SGK2: variants seen among roughly 807,000 people sequenced by gnomAD.
SGK2 encodes serum/glucocorticoid regulated kinase 2.
In SGK2, 36 loss-of-function variants were observed where a neutral mutation model predicts 47.5. That is an observed-to-expected ratio of 0.76 (90% CI 0.58 to 1.00). The LOEUF is 1.00. Among genes scored for constraint, SGK2 ranks in the 50% least tolerant of loss-of-function variants. The pLI is 0.00. For synonymous variants in SGK2, 157 were observed against 181.9 expected, an observed-to-expected ratio of 0.86 and a Z score of 1.10; for missense variants, 404 against 467.4, an observed-to-expected ratio of 0.86 and a Z score of 1.25.
chr20:43,572,585 G>A lies in SGK2; in HGVS notation c.597+448G>A, dbSNP rs1178631305. Among the ~76,000 whole-genome samples the A allele has an allele frequency of 6.6e-6, 1 of 152,154 alleles. No homozygotes were observed. Among genetic ancestry groups the A allele is most frequent in the Non-Finnish European group, 1.5e-5 (1 of 68,024 alleles). ...CCAGCTACTCGGGAGGCTGAGGCAG[G>A]AGAATCGCTTGAATACAGGAGGCAG... On this transcript the variant is annotated intron_variant, in intron 9 of 12. Coordinates refer to ENST00000373100, the MANE Select transcript of SGK2 (RefSeq NM_170693.3). This position sits in a 1 kb window ranked among gnomAD's most constrained non-coding sequence, Gnocchi z 4.2.
rs145478899 is a variant in SGK2 at position 43,560,541 on chromosome 20, C to T, written c.-24+1382C>T. Among the ~76,000 whole-genome samples the T allele has an allele frequency of 7.3e-3, 1,110 of 152,102 alleles. 15 individuals are homozygous for T. Among genetic ancestry groups the T allele is most frequent in the African/African-American group, 0.025 (1,049 of 41,458 alleles). The stretch of plus-strand genomic sequence containing the variant: ...GTTAAAATAACCTAACCTAAGAACC[C>T]GCTGTGACCTTGGGTCATGACCCTG... On this transcript the variant is annotated intron_variant, in intron 1 of 12. Coordinates refer to ENST00000373100, the MANE Select transcript of SGK2 (RefSeq NM_170693.3).
Position 43,572,116 on chromosome 20 carries a change from C to T in SGK2, c.576C>T (p.Ser192=), listed in dbSNP as rs1568668359. The part of the protein sequence containing the change: ...KEGVEPEDTT[S]TFCGTPEYLA... ...GTGTAGAGCCTGAAGACACCACATC[C>T]ACATTCTGTGGTACCCCTGAGGTAA... is the stretch of plus-strand genomic sequence containing the variant. Residue 192 remains serine, a synonymous_variant, in exon 9 of 13, where the codon TCC becomes TCT. Coordinates refer to ENST00000373100, the MANE Select transcript of SGK2 (RefSeq NM_170693.3). The surrounding 1 kb of genome is among the most constrained non-coding windows in gnomAD (Gnocchi z 4.2). The T allele has an allele frequency of 6.5e-7, 1 of 1,549,470 alleles. No homozygotes were observed. The highest frequency in any genetic ancestry group is 2.4e-5 in the East Asian group (1 of 41,008).
chr20:43,579,077 G>A (rs1980638252), intron 11 of SGK2, among the ~76,000 whole-genome samples: 1 of 150,948 alleles, frequency 6.6e-6, no homozygotes, highest in Admixed American at 6.6e-5. Context: ...GAGTGCAGTG[G>A]CATGATCTCG....
chr20:43,579,947 A>C (rs570797751), intron 11 of SGK2, 25 bp from the exon 12 acceptor site: 2 of 1,571,660 alleles, frequency 1.3e-6, no homozygotes, highest in South Asian at 1.1e-5. Context: ...TTCTAACCAG[A>C]ACCTTTTTTC....
Position 43,568,006 on chromosome 20 carries a change from G to C in SGK2, c.228+7G>C. On this transcript the variant is annotated splice_region_variant and intron_variant, in intron 5 of 12. Transcript: ENST00000373100. The stretch of plus-strand genomic sequence containing the variant: ...CATCTTAAAGAAGAAAGAGGTACCA[G>C]AGCTCGGGCACAGGCATTTCTTCTT... 1 of 1,612,424 alleles carries C rather than the reference G, an allele frequency of 6.2e-7. No homozygotes were observed. The highest frequency in any genetic ancestry group is 8.5e-7 in the Non-Finnish European group (1 of 1,178,410).
rs762666063 is a variant in SGK2 at position 43,574,991 on chromosome 20, T to C, written c.680T>C (p.Met227Thr). ...TGCTTGGGGGCAGTCCTCTACGAGA[T>C]GCTCCATGGCCTGGTGAGTCAGGGG... ...WWCLGAVLYE[M>T]LHGLPPFYSQ... The change falls in exon 10 of 13, where the codon ATG (methionine) becomes ACG (threonine). Residue 227 changes from methionine (M) to threonine (T), a missense_variant. By Grantham distance (81) the Met-to-Thr change is moderately conservative. Coordinates refer to ENST00000373100, the MANE Select transcript of SGK2 (RefSeq NM_170693.3). 6.2e-6 allele frequency: 10 copies of C among 1,613,396 alleles called. No homozygotes were observed. The highest frequency in any genetic ancestry group is 8.5e-6 in the Non-Finnish European group (10 of 1,179,462).
Position 43,576,340 on chromosome 20 carries a change from C to T in SGK2, c.810C>T (p.His270=), listed in dbSNP as rs1251941393. The T allele has an allele frequency of 6.2e-7, 1 of 1,614,118 alleles. No homozygotes were observed. Among genetic ancestry groups the T allele is most frequent in the Non-Finnish European group, 8.5e-7 (1 of 1,180,040 alleles). The change falls in exon 11 of 13, where the codon CAC becomes CAT. Residue 270 remains histidine, a synonymous_variant. Coordinates refer to ENST00000373100, the MANE Select transcript of SGK2 (RefSeq NM_170693.3). The part of the protein sequence containing the change: ...AACDLLQSLL[H]KDQRQRLGSK... ...GTGACCTCCTGCAAAGCCTTCTCCA[C>T]AAGGACCAGAGGCAGCGGCTGGGCT...
At chr20:43,570,996 C>T (rs750843709) in intron 7 of SGK2, 28 bp from the exon 8 acceptor site, 2 of 1,612,052 alleles carry the variant, frequency 1.2e-6, no homozygotes, top group Admixed American at 1.7e-5. Flanking sequence ...TGAGACACCT[C>T]AAGGCTGTTT....
At chr20:43,576,637 C>T (rs1980478473) in intron 11 of SGK2, among the ~76,000 whole-genome samples, 1 of 152,194 alleles carries the variant, frequency 6.6e-6, no homozygotes, top group Non-Finnish European at 1.5e-5. Flanking sequence ...TGGGTCTCTG[C>T]CCTTATTAAG....
chr20:43,583,919 G>A (rs1256337793), intron 12 of SGK2, among the ~76,000 whole-genome samples: 1 of 152,206 alleles, frequency 6.6e-6, no homozygotes, highest in Non-Finnish European at 1.5e-5. Context: ...CTGTGATCAT[G>A]CCAGTGCACT....
chr20:43,584,072 G>C (rs186630021), intron 12 of SGK2, among the ~76,000 whole-genome samples: 67 of 152,286 alleles, frequency 4.4e-4, no homozygotes, highest in Non-Finnish European at 2.9e-5. Flanking sequence ...TAGCGGGACA[G>C]TTGGCAGTTG....
intron 1 of SGK2, among the ~76,000 whole-genome samples, chr20:43,562,043 G>A (rs1394587884): frequency 6.6e-6 from 1 of 152,140 alleles, no homozygotes; most frequent in African/African-American, 2.4e-5. Context: ...CATTATTGAG[G>A]CTGAAGACTG....
chr20:43,567,815 C>G (rs1464669522), intron 4 of SGK2, 93 bp downstream of exon 4: 1 of 1,552,758 alleles, frequency 6.4e-7, no homozygotes, highest in African/African-American at 1.4e-5. Flanking sequence ...AGAGAGAGCA[C>G]TCGCACCTGC....
At chr20:43,564,500 CACAT>C (rs1041585707) in intron 1 of SGK2, among the ~76,000 whole-genome samples, 14 of 152,350 alleles carry the variant, frequency 9.2e-5, no homozygotes, top group Middle Eastern at 3.4e-3. Context: ...CGCGCGCACA[CACAT>C]ACACACACAC....
intron 5 of SGK2, 101 bp downstream of exon 5, chr20:43,568,100 TGG>T: frequency 1.1e-6 from 1 of 886,372 alleles, no homozygotes; most frequent in Non-Finnish European, 1.8e-6. Context: ...TCCATGGGCC[TGG>T]GTGCAGAAGT....
At chr20:43,575,146 T>G (rs945698857) in intron 10 of SGK2, 142 bp downstream of exon 10, 1 of 607,576 alleles carries the variant, frequency 1.6e-6, no homozygotes, top group South Asian at 1.9e-5. Context: ...AAGGTGAATA[T>G]GCAAATTATT....
At chr20:43,576,022 G>C (rs549476897) in intron 10 of SGK2, among the ~76,000 whole-genome samples, 2 of 152,178 alleles carry the variant, frequency 1.3e-5, no homozygotes, top group Non-Finnish European at 2.9e-5. Context: ...ACGCTGGTGG[G>C]AAGAGACTTC....
At chr20:43,573,350 G>T (rs1426943427) in intron 9 of SGK2, among the ~76,000 whole-genome samples, 1 of 152,240 alleles carries the variant, frequency 6.6e-6, no homozygotes, top group African/African-American at 2.4e-5. Context: ...TTAGCCAGGT[G>T]TGCTGGCAGG....
intron 6 of SGK2, among the ~76,000 whole-genome samples, chr20:43,570,065 G>A (rs1980002496): frequency 6.6e-6 from 1 of 152,106 alleles, no homozygotes; most frequent in South Asian, 2.1e-4. Context: ...GCTAAGAGGG[G>A]GGTTTTTGTC....
Sources: allele counts gnomAD v4.1 joint callset (sites outside exome capture counted in the v4.1 genomes callset), GRCh38; gene constraint gnomAD v4.1.1; non-coding constraint Gnocchi (gnomAD v3.1); transcripts MANE v1.5; gene names NCBI Gene and HGNC (gene_info 2026-07-23, HGNC 2026-07-21).